Variants in FGGY observed in about 807,000 individuals in gnomAD.
The protein encoded by FGGY is FGGY carbohydrate kinase domain containing, also known as FGGY carbohydrate kinase domain-containing protein.
Under a neutral mutation model 71.3 loss-of-function variants are expected in FGGY, and 72 were observed. The ratio of observed to expected loss-of-function variants is 1.01; its 90% CI spans 0.84 to 1.23. The LOEUF (loss-of-function observed/expected upper bound fraction) is 1.23. Ranked by LOEUF, FGGY falls within the 50% of genes most tolerant of loss-of-function variation. FGGY has a pLI of 0.00. For synonymous variants in FGGY, 251 were observed against 250.3 expected, an observed-to-expected ratio of 1.00 and a Z score of -0.02; for missense variants, 668 against 682.3, an observed-to-expected ratio of 0.98 and a Z score of 0.23.
intron 5 of FGGY, among the ~76,000 whole-genome samples, chr1:59,412,036 A>G (rs1441315352): frequency 6.6e-6 from 1 of 152,194 alleles, no homozygotes; most frequent in African/African-American, 2.4e-5. Context: ...TAATTCTTCT[A>G]TTACTGCATA....
chr1:59,580,201 C>T (rs116563986), intron 8 of FGGY, among the ~76,000 whole-genome samples: 1,733 of 152,310 alleles, frequency 0.011, 18 homozygotes, highest in Non-Finnish European at 0.017. Context: ...TATCGTCCTA[C>T]GCTCCACTGG....
intron 4 of FGGY, among the ~76,000 whole-genome samples, chr1:59,368,373 GGAC>G (rs1166951318): frequency 5.3e-4 from 80 of 152,304 alleles, no homozygotes; most frequent in African/African-American, 1.9e-3. Context: ...ACCTCTGATT[GGAC>G]TGGGAGGTTC....
intron 14 of FGGY, among the ~76,000 whole-genome samples, chr1:59,721,736 A>G (rs1026614006): frequency 2.0e-5 from 3 of 152,316 alleles, no homozygotes; most frequent in African/African-American, 7.2e-5. Context: ...ACCAGTATTG[A>G]TACATTATTA....
intron 14 of FGGY, among the ~76,000 whole-genome samples, chr1:59,739,825 C>A (rs1346228960): frequency 6.6e-6 from 1 of 152,192 alleles, no homozygotes; most frequent in Non-Finnish European, 1.5e-5. Context: ...CAAAGCCATA[C>A]AACCATAAGG....
At chr1:59,384,386 C>T (rs2059838937) in intron 5 of FGGY, among the ~76,000 whole-genome samples, 1 of 152,102 alleles carries the variant, frequency 6.6e-6, no homozygotes. Context: ...GTTTCTCTCT[C>T]TTATTTACTC....
intron 6 of FGGY, among the ~76,000 whole-genome samples, chr1:59,464,595 A>C (rs560960872): frequency 2.6e-5 from 4 of 152,322 alleles, no homozygotes; most frequent in Non-Finnish European, 5.9e-5. Context: ...GGTTTTTTGA[A>C]AAGATCAACA....
chr1:59,490,146 G>A (rs952603325), intron 6 of FGGY, among the ~76,000 whole-genome samples: 1 of 152,034 alleles, frequency 6.6e-6, no homozygotes, highest in Non-Finnish European at 1.5e-5. Context: ...GAACTCCTGG[G>A]CTCAAGTGAT....
chr1:59,594,628 G>A (rs1042122307), intron 8 of FGGY, among the ~76,000 whole-genome samples: 6 of 152,196 alleles, frequency 3.9e-5, no homozygotes, highest in Non-Finnish European at 7.3e-5. Flanking sequence ...TGAGTGCTCA[G>A]TCACACCCTA....
intron 8 of FGGY, among the ~76,000 whole-genome samples, chr1:59,568,140 CAT>C (rs749096815): frequency 5.9e-5 from 9 of 152,144 alleles, no homozygotes; most frequent in African/African-American, 9.7e-5. Flanking sequence ...TACAGTAAAA[CAT>C]ATGAATATTC....
At chr1:59,598,557 G>A (rs1234267914) in intron 8 of FGGY, among the ~76,000 whole-genome samples, 1 of 152,094 alleles carries the variant, frequency 6.6e-6, no homozygotes, top group East Asian at 1.9e-4. Flanking sequence ...GACCTGCTCA[G>A]TGCCCTCCCC....
At chr1:59,619,599 A>G (rs894445108) in intron 9 of FGGY, among the ~76,000 whole-genome samples, 1 of 152,084 alleles carries the variant, frequency 6.6e-6, no homozygotes, top group Admixed American at 6.6e-5. Flanking sequence ...GGGAATAGCA[A>G]CAAGGTCACA....
At chr1:59,682,081 C>T (rs906853504) in intron 14 of FGGY, among the ~76,000 whole-genome samples, 3 of 152,088 alleles carry the variant, frequency 2.0e-5, no homozygotes, top group Non-Finnish European at 4.4e-5. Context: ...TAAAAAGTTA[C>T]ACCATATGAA....
At chr1:59,546,533 A>G (rs2095527147) in intron 7 of FGGY, among the ~76,000 whole-genome samples, 3 of 134,236 alleles carry the variant, frequency 2.2e-5, no homozygotes, top group Admixed American at 2.2e-4. Context: ...GATGATGATG[A>G]TGATTATTAT....
intron 7 of FGGY, among the ~76,000 whole-genome samples, chr1:59,537,479 C>A (rs2095348901): frequency 6.6e-6 from 1 of 152,138 alleles, no homozygotes; most frequent in Non-Finnish European, 1.5e-5. Flanking sequence ...ACTTTCTTCA[C>A]AGAATTGGAA....
At chr1:59,588,623 G>T (rs2096361870) in intron 8 of FGGY, among the ~76,000 whole-genome samples, 1 of 152,014 alleles carries the variant, frequency 6.6e-6, no homozygotes, top group Non-Finnish European at 1.5e-5. Context: ...GAAGAGAGTG[G>T]GGGCCAATAT....
chr1:59,620,848 T>C lies in FGGY; in HGVS notation c.1012-5140T>C, dbSNP rs147310037. ...TTCACGCTGTAGTTTGTGTGTGATA[T>C]CTACATATGCTATAAACCCAATAAT... is the stretch of plus-strand genomic sequence containing the variant. On this transcript the variant is annotated intron_variant, in intron 9 of 15. Coordinates refer to ENST00000303721, the MANE Select transcript of FGGY (RefSeq NM_018291.5). 2.6e-3 allele frequency among the ~76,000 whole-genome samples: 389 copies of C among 152,280 alleles called. 5 individuals are homozygous for C. In the South Asian group the frequency reaches 0.039, roughly 15 times the overall value.
At chr1:59,707,943 A>T (rs1306659490) in intron 14 of FGGY, among the ~76,000 whole-genome samples, 2 of 152,228 alleles carry the variant, frequency 1.3e-5, no homozygotes, top group Admixed American at 6.5e-5. Flanking sequence ...TCTTTAATTT[A>T]AAAAAGTATC....
chr1:59,501,972 A>T lies in FGGY; in HGVS notation c.671-10339A>T, dbSNP rs150217230. Among the ~76,000 whole-genome samples, 496 of 152,300 alleles carry T rather than the reference A, an allele frequency of 3.3e-3. 4 individuals carry two copies. Among genetic ancestry groups the T allele is most frequent in the African/African-American group, 0.011 (476 of 41,554 alleles). On this transcript the variant is annotated intron_variant, in intron 6 of 15. Transcript: ENST00000303721. ...GTCATAATAACCATAATTTTATCTGACTTTTGTCTAGCATTTGTCATGTGG... is the reference window on the plus strand; with the variant it reads ...GTCATAATAACCATAATTTTATCTGTCTTTTGTCTAGCATTTGTCATGTGG...
At chr1:59,526,177 C>T (rs971849513) in intron 7 of FGGY, among the ~76,000 whole-genome samples, 2 of 152,144 alleles carry the variant, frequency 1.3e-5, no homozygotes, top group African/African-American at 4.8e-5. Context: ...AGTGGATATG[C>T]ATGCATGTGT....
Sources: gnomAD v4.1 joint callset for allele counts (sites outside exome capture counted in the v4.1 genomes callset) on GRCh38, gnomAD v4.1.1 for gene constraint, MANE v1.5 for transcripts, NCBI Gene and HGNC (gene_info 2026-07-23, HGNC 2026-07-21) for gene names.